Variants in LMAN1 observed in about 807,000 individuals in gnomAD.
LMAN1 encodes protein ERGIC-53.
A neutral mutation model predicts 67.8 loss-of-function variants in LMAN1; 32 were observed. The ratio of observed to expected loss-of-function variants is 0.47; its 90% CI spans 0.36 to 0.63. LMAN1 has a LOEUF of 0.63. Among genes scored for constraint, LMAN1 ranks in the 30% least tolerant of loss-of-function variants. LMAN1 has a pLI of 0.00. For missense variants in LMAN1, 632 were observed against 628.2 expected (o/e 1.01, Z -0.06); for synonymous variants, 235 against 219.3 (o/e 1.07, Z -0.63).
chr18:59,338,906 A>C lies in LMAN1; in HGVS notation c.1003T>G (p.Phe335Val), dbSNP rs1350132020. 1 of 1,613,726 alleles carries C rather than the reference A, an allele frequency of 6.2e-7. No individual in the cohort carries two copies. Among genetic ancestry groups the C allele is most frequent in the Non-Finnish European group, 8.5e-7 (1 of 1,179,972 alleles). ...AGATGAATACGATTCTGTCCTTCAA[A>C]GACTTGTCTTAGCTCTCGATCTCCT... ...SVGDRELRQV[F>V]EGQNRIHLEI... The change falls in exon 9 of 13, where the codon TTT becomes GTT. Residue 335 changes from phenylalanine to valine, a missense_variant. Coordinates refer to ENST00000251047, the MANE Select transcript of LMAN1 (RefSeq NM_005570.4).
intron 5 of LMAN1, among the ~76,000 whole-genome samples, chr18:59,351,168 G>A (rs546157369): frequency 1.3e-5 from 2 of 152,202 alleles, no homozygotes; most frequent in African/African-American, 4.8e-5. Flanking sequence ...GAGAAATACA[G>A]GATATGCCTA....
chr18:59,357,963 TAAAAAAAAAAA>T (rs150790005), intron 1 of LMAN1, among the ~76,000 whole-genome samples: 3 of 102,568 alleles, frequency 2.9e-5, no homozygotes, highest in Non-Finnish European at 5.8e-5. Context: ...AACCTTATAG[TAAAAAAAAAAA>T]AAAAAAAAAA....
intron 10 of LMAN1, among the ~76,000 whole-genome samples, chr18:59,337,000 G>A (rs967549338): frequency 1.1e-4 from 17 of 151,688 alleles, no homozygotes; most frequent in Admixed American, 2.0e-4. Context: ...TGAATGAGCA[G>A]AAGGTTGAAA....
intron 10 of LMAN1, among the ~76,000 whole-genome samples, chr18:59,336,133 G>A (rs1568112929): frequency 6.6e-6 from 1 of 152,158 alleles, no homozygotes; most frequent in African/African-American, 2.4e-5. Context: ...TCATGTACAT[G>A]CATGGGTTGG....
In LMAN1 at chr18:59,338,778, C is replaced by G. The variant is rs375670001; in HGVS notation, c.1131G>C (p.Met377Ile). Reference protein sequence around the residue: ...TEEISKRGAGMPGQHGQITQQ... With the variant: ...TEEISKRGAGIPGQHGQITQQ... ...AGCCCACCTGCCCATGCTGCCCAGG[C>G]ATTCCTGCTCCTCTTTTAGAGATTT... is the stretch of plus-strand genomic sequence containing the variant. The change falls in exon 9 of 13, where the codon ATG (methionine) becomes ATC (isoleucine). Residue 377 changes from methionine to isoleucine, a missense_variant. Coordinates refer to ENST00000251047, the MANE Select transcript of LMAN1 (RefSeq NM_005570.4). The G allele has an allele frequency of 1.2e-6, 2 of 1,614,122 alleles. No individual in the cohort carries two copies. Among genetic ancestry groups the G allele is most frequent in the South Asian group, 1.1e-5 (1 of 91,080 alleles).
At chr18:59,346,167 T>C in intron 7 of LMAN1, 116 bp from the exon 8 acceptor site, 3 of 677,664 alleles carry the variant, frequency 4.4e-6, no homozygotes, top group South Asian at 1.9e-5. Flanking sequence ...AAGGTTAACA[T>C]AAAAATGTAT....
In LMAN1 at chr18:59,349,102, G is replaced by C. The variant is rs758831696; in HGVS notation, c.763+11C>G. On this transcript the variant is annotated intron_variant, in intron 6 of 12. Coordinates refer to ENST00000251047, the MANE Select transcript of LMAN1 (RefSeq NM_005570.4). ...CACAAACTTTTAATATCATCAGACT[G>C]CAAGATTTACCTGCAAGACCTCCAG... is the stretch of plus-strand genomic sequence containing the variant. 9.9e-6 allele frequency: 16 copies of C among 1,613,866 alleles called. No individual in the cohort carries two copies. The Admixed American group carries it at 2.3e-4, about 24-fold the overall frequency.
At chr18:59,341,345 A>G (rs1023932138) in intron 8 of LMAN1, among the ~76,000 whole-genome samples, 1 of 152,192 alleles carries the variant, frequency 6.6e-6, no homozygotes, top group Non-Finnish European at 1.5e-5. Flanking sequence ...ATTGGACTTT[A>G]GACCAAATGG....
intron 10 of LMAN1, among the ~76,000 whole-genome samples, chr18:59,337,759 TATAA>T (rs1908191709): frequency 6.6e-6 from 1 of 152,198 alleles, no homozygotes; most frequent in Non-Finnish European, 1.5e-5. Context: ...ATTGAAGAAA[TATAA>T]ATTTGCAGTT....
chr18:59,355,935 A>G (rs1419600167), intron 1 of LMAN1, among the ~76,000 whole-genome samples: 1 of 152,242 alleles, frequency 6.6e-6, no homozygotes, highest in Non-Finnish European at 1.5e-5. Context: ...TCTGAGTCTC[A>G]TAACATTCTT....
chr18:59,341,770 C>T (rs1270314265), intron 8 of LMAN1, among the ~76,000 whole-genome samples: 1 of 151,784 alleles, frequency 6.6e-6, no homozygotes, highest in Non-Finnish European at 1.5e-5. Context: ...TATTCCTCTG[C>T]AAACTAGAAA....
rs376599000 is a variant in LMAN1, at chr18:59,333,280, T to C, written c.1221-36A>G. On this transcript the variant is annotated intron_variant, in intron 10 of 12. Coordinates refer to ENST00000251047, the MANE Select transcript of LMAN1 (RefSeq NM_005570.4). ...AAGTCTCTTGATACAATAAAATCAC[T>C]ATAAAGTTTTTTTTTTTCAGTCACA... The C allele has an allele frequency of 7.0e-5, 111 of 1,583,710 alleles. No homozygotes were observed. The African/African-American group carries it at 1.4e-3, about 19-fold the overall frequency.
chr18:59,341,549 T>G (rs928980098), intron 8 of LMAN1, among the ~76,000 whole-genome samples: 13 of 152,222 alleles, frequency 8.5e-5, no homozygotes, highest in African/African-American at 3.1e-4. Context: ...TAAGAGGAAC[T>G]TAAGAAACTA....
Position 59,354,510 on chromosome 18 carries a change from CACACTT to C in LMAN1, c.539+3_539+8del. On this transcript the variant is annotated splice_donor_5th_base_variant and intron_variant, in intron 4 of 12. Coordinates refer to ENST00000251047, the MANE Select transcript of LMAN1 (RefSeq NM_005570.4). ...GAAATCAGGAGTAATGTAAAAAACA[CACACTT>C]ACTTTTGATGGTCATAATGGATTTG... The C allele has an allele frequency of 1.4e-6, 2 of 1,450,124 alleles. No homozygotes were observed. Among genetic ancestry groups the C allele is most frequent in the Non-Finnish European group, 1.9e-6 (2 of 1,031,138 alleles). The allele number at this position is 1,450,124 out of a possible 1,614,324, so 89.8% of individuals were successfully genotyped here. A position where few individuals can be genotyped will look rare whatever the true frequency, so the allele number is the denominator to read the frequency against.
Position 59,338,729 on chromosome 18 carries a change from T to G in LMAN1, c.1149+31A>C, listed in dbSNP as rs763218719. On this transcript the variant is annotated intron_variant, in intron 9 of 12. Coordinates refer to ENST00000251047, the MANE Select transcript of LMAN1 (RefSeq NM_005570.4). ...TACTTCCCTTCCAGCAAAGGGTAAATGGGGCACATCTGCATATTCTGCAAG... is the reference window on the plus strand; with the variant it reads ...TACTTCCCTTCCAGCAAAGGGTAAAGGGGGCACATCTGCATATTCTGCAAG... The G allele has an allele frequency of 1.4e-5, 23 of 1,612,186 alleles. No homozygotes were observed. The East Asian group carries it at 4.7e-4, about 33-fold the overall frequency.
At chr18:59,349,993 C>A (rs1568117037) in intron 5 of LMAN1, among the ~76,000 whole-genome samples, 1 of 152,144 alleles carries the variant, frequency 6.6e-6, no homozygotes, top group South Asian at 2.1e-4. Context: ...AGGGTGGTTG[C>A]AGGAGAAGGC....
At position 59,355,569 on chromosome 18, in the gene LMAN1, C is replaced by T. The variant is rs774137683; in HGVS notation, c.304G>A (p.Glu102Lys). 1 of 1,614,154 alleles carries T rather than the reference C, an allele frequency of 6.2e-7. No homozygotes were observed. The highest frequency in any genetic ancestry group is 8.5e-7 in the Non-Finnish European group (1 of 1,179,984). Residue 102 changes from glutamate to lysine, a missense_variant, in exon 2 of 13, where the codon GAG (glutamate) becomes AAG (lysine). Glu to Lys is a moderately conservative substitution (Grantham distance 56). Coordinates refer to ENST00000251047, the MANE Select transcript of LMAN1 (RefSeq NM_005570.4). ...AATGTCACCTCAACTTCCCAGTTCT[C>T]AAAGGCCGCTTTTGTCTTTGTCCAC... ...SVWTKTKAAF[E>K]NWEVEVTFRV...
At chr18:59,346,075 G>C (rs370572272) in intron 7 of LMAN1, 24 bp from the exon 8 acceptor site, 70 of 1,572,040 alleles carry the variant, frequency 4.5e-5, no homozygotes, top group South Asian at 4.3e-4. Context: ...TTTTGGAATA[G>C]ATCATTAAAA....
At position 59,328,913 on chromosome 18, in the gene LMAN1, C is replaced by CATT. The variant is rs1276561303; in HGVS notation, c.*2179_*2180insAAT. The CATT allele has an allele frequency of 6.6e-6, 1 of 152,136 alleles. No individual in the cohort carries two copies. Among genetic ancestry groups the CATT allele is most frequent in the East Asian group, 1.9e-4 (1 of 5,204 alleles). The allele number at this position is 152,136 out of a possible 1,614,324, so 9.4% of individuals were successfully genotyped here. A position where few individuals can be genotyped will look rare whatever the true frequency, so the allele number is the denominator to read the frequency against. On this transcript the variant is annotated 3_prime_UTR_variant, in exon 13 of 13. Transcript: ENST00000251047. ...TTCCTTTTAAAAGTGGCATCATAGA[C>CATT]ACAATGACTTACATAAAAATTTTAA...
Sources: allele counts gnomAD v4.1 joint callset (sites outside exome capture counted in the v4.1 genomes callset), GRCh38; gene constraint gnomAD v4.1.1; transcripts MANE v1.5; gene names NCBI Gene and HGNC (gene_info 2026-07-23, HGNC 2026-07-21).